The following FBLN7 variants were observed in gnomAD, a reference collection of about 807,000 sequenced individuals.
The protein encoded by FBLN7 is fibulin 7.
Under a neutral mutation model 44.0 loss-of-function variants are expected in FBLN7, and 31 were observed. The ratio of observed to expected loss-of-function variants is 0.70; its 90% CI spans 0.53 to 0.95. The LOEUF (loss-of-function observed/expected upper bound fraction) is 0.95, where lower values mean the gene tolerates loss of function less well. FBLN7 is among the 40% of genes least tolerant of loss of function. The probability of loss-of-function intolerance (pLI) is 0.00; values close to 1 mark genes in which losing one functional copy is unlikely to be tolerated. For missense variants in FBLN7, 573 were observed against 618.5 expected, an observed-to-expected ratio of 0.93 and a Z score of 0.78; for synonymous variants, 262 against 253.4, an observed-to-expected ratio of 1.03 and a Z score of -0.32.
the FBLN7 span, among the ~76,000 whole-genome samples, chr2:112,204,332 A>G: frequency 3.9e-5 from 6 of 152,036 alleles, no homozygotes; most frequent in South Asian, 1.2e-3. Flanking sequence ...ACCATCAAGC[A>G]TATCAATATA....
chr2:112,160,306 G>GT (rs1417120330), intron 2 of FBLN7, among the ~76,000 whole-genome samples: 3 of 152,292 alleles, frequency 2.0e-5, no homozygotes, highest in Admixed American at 2.0e-4. Flanking sequence ...TGGCCCATTT[G>GT]TAAGCCTGGT....
At chr2:112,231,816 GATT>G in the FBLN7 span, 1 of 1,445,702 alleles carries the variant, frequency 6.9e-7, no homozygotes, top group Non-Finnish European at 9.4e-7. Context: ...AAAAACAAAA[GATT>G]ATTAAAAATT....
At chr2:112,158,772 A>G (rs1454727157) in intron 1 of FBLN7, among the ~76,000 whole-genome samples, 4 of 151,980 alleles carry the variant, frequency 2.6e-5, no homozygotes, top group African/African-American at 7.3e-5. Context: ...ATGAGGTCTC[A>G]CTATATTGCA....
intron 3 of FBLN7, among the ~76,000 whole-genome samples, chr2:112,170,544 AAAAAG>A (rs200992907): frequency 0.04 from 6,032 of 151,408 alleles, 183 homozygotes; most frequent in African/African-American, 0.093. Context: ...AAAAAAAAAA[AAAAAG>A]AAAAGAAAAG....
the FBLN7 span, among the ~76,000 whole-genome samples, chr2:112,196,374 CTTTTTTTTTT>C: frequency 6.3e-5 from 4 of 63,258 alleles, no homozygotes; most frequent in Non-Finnish European, 1.1e-4. Context: ...TCTTCTTCTT[CTTTTTTTTTT>C]TTTTTTTTTT....
chr2:112,172,627 C>CTTTTTTT (rs35062438), intron 3 of FBLN7, among the ~76,000 whole-genome samples: 9 of 88,152 alleles, frequency 1.0e-4, no homozygotes, highest in South Asian at 8.1e-4. Context: ...CTTTTTCTTT[C>CTTTTTTT]TTTTTTTTTT....
At chr2:112,149,303 G>A (rs190111965) in intron 1 of FBLN7, among the ~76,000 whole-genome samples, 123 of 152,284 alleles carry the variant, frequency 8.1e-4, no homozygotes, top group African/African-American at 2.6e-3. Context: ...GAAAGGAGAC[G>A]TGGCCAGCCA....
chr2:112,146,912 T>C (rs1573764019), intron 1 of FBLN7, among the ~76,000 whole-genome samples: 1 of 152,226 alleles, frequency 6.6e-6, no homozygotes, highest in East Asian at 1.9e-4. Context: ...TTTTCAACAT[T>C]GAGTATGGTT....
intron 4 of FBLN7, among the ~76,000 whole-genome samples, chr2:112,179,860 G>A (rs973050179): frequency 6.6e-6 from 1 of 152,158 alleles, no homozygotes; most frequent in African/African-American, 2.4e-5. Flanking sequence ...TAAAGAGTTA[G>A]ATGTAAAATC....
intron 3 of FBLN7, among the ~76,000 whole-genome samples, chr2:112,167,220 G>C (rs1264740804): frequency 2.0e-5 from 3 of 152,246 alleles, no homozygotes; most frequent in Non-Finnish European, 4.4e-5. Flanking sequence ...AAAATGAAAA[G>C]ATGAGTTCAT....
the FBLN7 span, among the ~76,000 whole-genome samples, chr2:112,206,733 G>GT: frequency 0.16 from 19,471 of 122,906 alleles, 1,589 homozygotes; most frequent in African/African-American, 0.17. Flanking sequence ...CTTATTGACT[G>GT]TTTTTTTTTT....
At chr2:112,160,976 G>A (rs565593586) in intron 2 of FBLN7, among the ~76,000 whole-genome samples, 7 of 152,314 alleles carry the variant, frequency 4.6e-5, no homozygotes, top group African/African-American at 7.2e-5. Flanking sequence ...GTACCAGGAC[G>A]GTTGGGAGGG....
chr2:112,239,559 T>C, the FBLN7 span, among the ~76,000 whole-genome samples: 1 of 147,422 alleles, frequency 6.8e-6, no homozygotes, highest in Non-Finnish European at 1.5e-5. Flanking sequence ...ATATATTAGG[T>C]GGCCCAATTT....
At chr2:112,210,969 A>G in the FBLN7 span, among the ~76,000 whole-genome samples, 1 of 152,178 alleles carries the variant, frequency 6.6e-6, no homozygotes, top group Non-Finnish European at 1.5e-5. Context: ...ATAAGCCTGG[A>G]GCACCTCTTC....
At chr2:112,142,768 T>TTTGTGTG (rs111360183) in intron 1 of FBLN7, among the ~76,000 whole-genome samples, 4 of 151,452 alleles carry the variant, frequency 2.6e-5, no homozygotes, top group African/African-American at 9.7e-5. Context: ...ATGTGTGTGT[T>TTTGTGTG]TGTGTGTGTG....
At chr2:112,161,389 A>C (rs757903941) in intron 2 of FBLN7, among the ~76,000 whole-genome samples, 27 of 152,140 alleles carry the variant, frequency 1.8e-4, no homozygotes, top group African/African-American at 6.0e-4. Context: ...TTGGCTCCAC[A>C]GCTGCAGAAA....
chr2:112,230,477 TATAAAC>T, the FBLN7 span, among the ~76,000 whole-genome samples: 5 of 152,108 alleles, frequency 3.3e-5, no homozygotes, highest in African/African-American at 1.2e-4. Context: ...AAATAACTAA[TATAAAC>T]ATAAAGTGAA....
Position 112,181,895 on chromosome 2 carries a change from A to G in FBLN7, c.670+19A>G. ...TGCCAGGGTAGGCGCGGGCTCCGCC[A>G]GGACACTGGGGACAGCACGGGGAGG... On this transcript the variant is annotated intron_variant, in intron 5 of 7. Coordinates refer to ENST00000331203, the MANE Select transcript of FBLN7 (RefSeq NM_153214.3). 6.5e-7 allele frequency: 1 copy of G among 1,534,148 alleles called. No individual in the cohort carries two copies. Among genetic ancestry groups the G allele is most frequent in the Non-Finnish European group, 8.7e-7 (1 of 1,145,858 alleles).
chr2:112,141,835 A>G (rs1680664217), intron 1 of FBLN7, among the ~76,000 whole-genome samples: 1 of 152,184 alleles, frequency 6.6e-6, no homozygotes, highest in South Asian at 2.1e-4. Context: ...AAACCAGGTG[A>G]GACCGAAGCA....
Sources: gnomAD v4.1 joint callset for allele counts (sites outside exome capture counted in the v4.1 genomes callset) on GRCh38, gnomAD v4.1.1 for gene constraint, MANE v1.5 for transcripts, NCBI Gene and HGNC (gene_info 2026-07-23, HGNC 2026-07-21) for gene names.